Variants in PIP5K1C observed in about 807,000 individuals in gnomAD.
PIP5K1C encodes phosphatidylinositol 4-phosphate 5-kinase type-1 gamma.
PIP5K1C carries 45 observed loss-of-function variants against 80.1 expected under a neutral mutation model. The ratio of observed to expected loss-of-function variants is 0.56; its 90% CI spans 0.44 to 0.72. The LOEUF (loss-of-function observed/expected upper bound fraction) is 0.72. PIP5K1C is among the 30% of genes least tolerant of loss of function. The pLI is 0.00. For synonymous variants in PIP5K1C, 498 were observed against 420.1 expected (o/e 1.19, Z -2.27); for missense variants, 753 against 954.6 (o/e 0.79, Z 2.78).
Position 3,653,277 on chromosome 19 carries a change from G to A in PIP5K1C, c.921+13C>T. On this transcript the variant is annotated intron_variant, in intron 7 of 17. Coordinates refer to ENST00000335312, the MANE Select transcript of PIP5K1C (RefSeq NM_012398.3). ...CTGCCACCCTCCCTCCCCGGCCGGG[G>A]CCGAGCCCTCACCAGGCAGTCCCGC... The A allele has an allele frequency of 6.2e-7, 1 of 1,602,342 alleles. No individual in the cohort carries two copies. Among genetic ancestry groups the A allele is most frequent in the Non-Finnish European group, 8.5e-7 (1 of 1,179,402 alleles).
intron 1 of PIP5K1C, among the ~76,000 whole-genome samples, chr19:3,678,317 GAGGGACGGAGGGATGC>G (rs376708774): frequency 8.6e-6 from 1 of 115,898 alleles, no homozygotes; most frequent in Non-Finnish European, 1.9e-5. Flanking sequence ...CGGAGGGATG[GAGGGACGGAGGGATGC>G]AGGGACAGAG....
intron 11 of PIP5K1C, among the ~76,000 whole-genome samples, chr19:3,644,621 G>A (rs946124906): frequency 6.6e-6 from 1 of 152,210 alleles, no homozygotes; most frequent in African/African-American, 2.4e-5. Context: ...ACTTTCAGAT[G>A]GACACTGACA....
intron 16 of PIP5K1C, chr19:3,636,892 G>A (rs1599919538): frequency 2.0e-6 from 2 of 1,000,006 alleles, no homozygotes. Flanking sequence ...GACAACAGCA[G>A]GCCCTGAGGA....
rs1286644401 is a variant in PIP5K1C at position 3,656,607 on chromosome 19, G to C, written c.469-50C>G. 1.9e-6 allele frequency: 3 copies of C among 1,604,612 alleles called. No individual in the cohort carries two copies. In the African/African-American group the frequency reaches 4.0e-5, roughly 21 times the overall value. ...CGGGCCCCAAGCTGCCGGACACACA[G>C]ACAGCACTGGCTTCCGGTCTGCCCA... On this transcript the variant is annotated intron_variant, in intron 5 of 17. Coordinates refer to ENST00000335312, the MANE Select transcript of PIP5K1C (RefSeq NM_012398.3).
chr19:3,675,765 G>A (rs1204691503), intron 1 of PIP5K1C, among the ~76,000 whole-genome samples: 2 of 152,122 alleles, frequency 1.3e-5, no homozygotes, highest in African/African-American at 4.8e-5. Context: ...TTGTTCTCTG[G>A]GCTGGTCACT....
rs115277386 is a variant in PIP5K1C at position 3,645,515 on chromosome 19, C to A, written c.1345+459G>T. On this transcript the variant is annotated intron_variant, in intron 11 of 17. Coordinates refer to ENST00000335312, the MANE Select transcript of PIP5K1C (RefSeq NM_012398.3). ...TCCCCACCACTGTTTGCCCTGGGAC[C>A]TTCCCGACCATGCCCTGCTGGGCTA... is the stretch of plus-strand genomic sequence containing the variant. Among the ~76,000 whole-genome samples the A allele has an allele frequency of 2.6e-3, 399 of 152,358 alleles. 3 individuals carry two copies. Among genetic ancestry groups the A allele is most frequent in the African/African-American group, 9.0e-3 (376 of 41,586 alleles).
chr19:3,648,477 C>A lies in PIP5K1C; in HGVS notation c.1211+148G>T. On this transcript the variant is annotated intron_variant, in intron 9 of 17. Coordinates refer to ENST00000335312, the MANE Select transcript of PIP5K1C (RefSeq NM_012398.3). The surrounding 1 kb of genome is among the most constrained non-coding windows in gnomAD (Gnocchi z 4.3). ...TGTGCATGGGTGTCCTGGGGGCGCC[C>A]ATCCACCTGTGGGACTGCAGACCCA... The A allele has an allele frequency of 1.3e-6, 1 of 792,586 alleles. No homozygotes were observed. Among genetic ancestry groups the A allele is most frequent in the South Asian group, 1.4e-5 (1 of 70,022 alleles). The allele number at this position is 792,586 out of a possible 1,614,324, so 49.1% of individuals were successfully genotyped here.
intron 6 of PIP5K1C, among the ~76,000 whole-genome samples, chr19:3,654,089 C>A (rs563646512): frequency 6.6e-6 from 1 of 152,342 alleles, no homozygotes; most frequent in Admixed American, 6.5e-5. Context: ...GCAGCCTCCA[C>A]CTCCAGGGCT....
In PIP5K1C at chr19:3,653,502, C is replaced by A; in HGVS notation, c.709G>T (p.Val237Phe). ...ACGCGGGGCAGGATGTTGTTCATGACCACGACGCGGATGTTCTTGCCCCCC... is the reference window on the plus strand; with the variant it reads ...ACGCGGGGCAGGATGTTGTTCATGAACACGACGCGGATGTTCTTGCCCCCC... ...QSGGKNIRVV[V>F]MNNILPRVVK... is the part of the protein sequence containing the mutation. Residue 237 changes from valine (V) to phenylalanine (F), a missense_variant, in exon 7 of 18, where the codon GTC (valine) becomes TTC (phenylalanine). This residue lies in a region of PIP5K1C where 139 missense variants were observed against 289.7 expected (regional missense o/e 0.48). Coordinates refer to ENST00000335312, the MANE Select transcript of PIP5K1C (RefSeq NM_012398.3). 1 of 1,613,862 alleles carries A rather than the reference C, an allele frequency of 6.2e-7. No individual in the cohort carries two copies. The highest frequency in any genetic ancestry group is 8.5e-7 in the Non-Finnish European group (1 of 1,180,024).
chr19:3,679,801 G>A (rs1412084571), intron 1 of PIP5K1C, among the ~76,000 whole-genome samples: 1 of 152,242 alleles, frequency 6.6e-6, no homozygotes, highest in Non-Finnish European at 1.5e-5. Context: ...GGGCCCAAGG[G>A]GCGCCCTGGA....
At chr19:3,639,126 A>G in intron 15 of PIP5K1C, 110 bp from the exon 16 acceptor site, 1 of 1,341,286 alleles carries the variant, frequency 7.5e-7, no homozygotes, top group Non-Finnish European at 1.0e-6. Context: ...CACGGAGATG[A>G]AAAGCCAGGC....
chr19:3,674,356 C>T (rs1011404727), intron 1 of PIP5K1C: 16 of 152,384 alleles, frequency 1.0e-4, no homozygotes, highest in African/African-American at 3.9e-4. Flanking sequence ...CGGCTCACTA[C>T]AACCTCTGCC....
intron 1 of PIP5K1C, among the ~76,000 whole-genome samples, chr19:3,677,399 A>G (rs1039244294): frequency 6.6e-6 from 1 of 152,114 alleles, no homozygotes; most frequent in African/African-American, 2.4e-5. Context: ...CCTGGCCAAC[A>G]TGGTGAAACC....
chr19:3,658,199 C>T (rs973921586), intron 5 of PIP5K1C, among the ~76,000 whole-genome samples: 8 of 152,228 alleles, frequency 5.3e-5, no homozygotes, highest in African/African-American at 1.4e-4. Flanking sequence ...TATCACACGT[C>T]GGTCAACACA....
Position 3,651,839 on chromosome 19 carries a change from C to A in PIP5K1C, c.1114G>T (p.Glu372Ter). Reference protein sequence around the residue: ...QGGAARGEAIESDDTMGGIPA... With the variant: ...QGGAARGEAI ...CCGCCCACCTACGTGTCATCCGATT[C>A]GATGGCCTCCCCGCGCGCGGCGCCA... Residue 372 changes from glutamate (E) to a stop codon, truncating the protein, a stop_gained, in exon 8 of 18, where the codon GAA (glutamate) becomes TAA (stop). Transcript: ENST00000335312. LOFTEE classifies it high-confidence loss of function. 1 of 1,611,818 alleles carries A rather than the reference C, an allele frequency of 6.2e-7. No homozygotes were observed. The highest frequency in any genetic ancestry group is 1.1e-5 in the South Asian group (1 of 91,040).
chr19:3,694,894 C>G (rs1402893353), intron 1 of PIP5K1C, among the ~76,000 whole-genome samples: 1 of 152,244 alleles, frequency 6.6e-6, no homozygotes, highest in African/African-American at 2.4e-5. Context: ...GCTGGGCAAA[C>G]ATCTTCCGTA....
intron 2 of PIP5K1C, among the ~76,000 whole-genome samples, chr19:3,666,099 C>T (rs374746614): frequency 3.3e-5 from 5 of 152,372 alleles, no homozygotes; most frequent in African/African-American, 1.2e-4. Context: ...CTCCACACTG[C>T]CCCCACGCCG....
Position 3,633,535 on chromosome 19 carries a change from C to T in PIP5K1C, c.1921-15G>A, listed in dbSNP as rs752193440. 36 of 1,477,716 alleles carry T rather than the reference C, an allele frequency of 2.4e-5. No homozygotes were observed. The East Asian group carries it at 4.3e-4, about 18-fold the overall frequency. The allele number at this position is 1,477,716 out of a possible 1,614,324, so 91.5% of individuals were successfully genotyped here. On this transcript the variant is annotated splice_polypyrimidine_tract_variant and intron_variant, in intron 16 of 17. Coordinates refer to ENST00000335312, the MANE Select transcript of PIP5K1C (RefSeq NM_012398.3). ...TCATCGGTGGGCTGGCAGGTGGGCG[C>T]GCGTGCAGGAGGGCGCGGAAGAGCA...
At chr19:3,654,765 G>GA (rs746002595) in intron 6 of PIP5K1C, among the ~76,000 whole-genome samples, 12 of 149,830 alleles carry the variant, frequency 8.0e-5, no homozygotes, top group Admixed American at 1.3e-4. Flanking sequence ...AGTGAGCCGA[G>GA]ATTGTGCCAT....
Sources: gnomAD v4.1 joint callset for allele counts (sites outside exome capture counted in the v4.1 genomes callset) on GRCh38, gnomAD v4.1.1 for gene constraint, gnomAD v4.1.1 regional missense constraint, Gnocchi (gnomAD v3.1) non-coding constraint, MANE v1.5 for transcripts, NCBI Gene and HGNC (gene_info 2026-07-23, HGNC 2026-07-21) for gene names.